LHFPL3: variants seen among roughly 807,000 people sequenced by gnomAD.
LHFPL3 encodes LHFPL tetraspan subfamily member 3.
LHFPL3 carries 5 observed loss-of-function variants against 19.3 expected under a neutral mutation model. The ratio of observed to expected loss-of-function variants is 0.26; its 90% CI spans 0.14 to 0.54. The LOEUF (loss-of-function observed/expected upper bound fraction) is 0.54, where lower values mean the gene tolerates loss of function less well. Ranked by LOEUF, LHFPL3 falls within the 20% of genes least tolerant of loss-of-function variation. The pLI is 0.94. For missense variants in LHFPL3, 249 were observed against 307.4 expected, an observed-to-expected ratio of 0.81 and a Z score of 1.42; for synonymous variants, 133 against 126.2, an observed-to-expected ratio of 1.05 and a Z score of -0.36.
At chr7:104,887,158 A>T (rs1412014747) in intron 2 of LHFPL3, among the ~76,000 whole-genome samples, 1 of 152,250 alleles carries the variant, frequency 6.6e-6, no homozygotes, top group Non-Finnish European at 1.5e-5. Flanking sequence ...CCAGGGGTAC[A>T]TCAGCATTAG....
At chr7:104,467,448 G>T (rs1792813931) in intron 1 of LHFPL3, among the ~76,000 whole-genome samples, 1 of 152,200 alleles carries the variant, frequency 6.6e-6, no homozygotes, top group South Asian at 2.1e-4. Context: ...TTGAGGAAAA[G>T]AGATATGGTT....
intron 1 of LHFPL3, among the ~76,000 whole-genome samples, chr7:104,524,692 T>C (rs1794150669): frequency 6.6e-6 from 1 of 152,318 alleles, no homozygotes; most frequent in South Asian, 2.1e-4. Flanking sequence ...GGAGCACTAA[T>C]TACGATGCTA....
intron 1 of LHFPL3, among the ~76,000 whole-genome samples, chr7:104,675,064 G>A (rs1792565869): frequency 6.6e-6 from 1 of 152,206 alleles, no homozygotes; most frequent in Admixed American, 6.5e-5. Flanking sequence ...AATTCTTAAA[G>A]TAAGTAAATG....
chr7:104,733,472 T>A (rs950212091), intron 1 of LHFPL3, among the ~76,000 whole-genome samples: 2 of 152,226 alleles, frequency 1.3e-5, no homozygotes, highest in Admixed American at 6.5e-5. Flanking sequence ...TTTACCATTA[T>A]GTAATGGCCT....
At chr7:104,343,335 A>T (rs1789994711) in intron 1 of LHFPL3, among the ~76,000 whole-genome samples, 1 of 151,824 alleles carries the variant, frequency 6.6e-6, no homozygotes, top group Admixed American at 6.6e-5. Flanking sequence ...CAACAGAGTG[A>T]AACCCCATCT....
chr7:104,813,590 G>A (rs905151639), intron 2 of LHFPL3, among the ~76,000 whole-genome samples: 3 of 152,168 alleles, frequency 2.0e-5, no homozygotes, highest in African/African-American at 4.8e-5. Flanking sequence ...ATGGAATGGC[G>A]AGAGGTGTGT....
At chr7:104,523,617 T>A (rs1794124139) in intron 1 of LHFPL3, among the ~76,000 whole-genome samples, 1 of 152,174 alleles carries the variant, frequency 6.6e-6, no homozygotes, top group African/African-American at 2.4e-5. Context: ...CTTGAATGTT[T>A]AGTACACATA....
rs1016535202 is a variant in LHFPL3, at chr7:104,551,686, C to T, written c.446-184989C>T. ...TGTTCTCCTGGCCCTTGGCAACAACCACTCAAAAAGATTAGCCTAAATTTG... is the reference window on the plus strand; with the variant it reads ...TGTTCTCCTGGCCCTTGGCAACAACTACTCAAAAAGATTAGCCTAAATTTG... On this transcript the variant is annotated intron_variant, in intron 1 of 2. Coordinates refer to ENST00000424859, the MANE Select transcript of LHFPL3 (RefSeq NM_199000.3). 1.4e-4 allele frequency among the ~76,000 whole-genome samples: 22 copies of T among 152,034 alleles called. 1 individual carries two copies. Among genetic ancestry groups the T allele is most frequent in the Non-Finnish European group, 4.4e-5 (3 of 68,012 alleles).
intron 1 of LHFPL3, among the ~76,000 whole-genome samples, chr7:104,651,111 G>A (rs1052179478): frequency 6.6e-6 from 1 of 152,162 alleles, no homozygotes; most frequent in African/African-American, 2.4e-5. Context: ...AACGAGGGTG[G>A]ATTTGAGCCA....
intron 1 of LHFPL3, among the ~76,000 whole-genome samples, chr7:104,632,848 T>C (rs1791667849): frequency 6.6e-6 from 1 of 152,072 alleles, no homozygotes; most frequent in Non-Finnish European, 1.5e-5. Flanking sequence ...AGAGATGAGG[T>C]TTTGCTATAT....
At chr7:104,496,153 T>C (rs1445003575) in intron 1 of LHFPL3, among the ~76,000 whole-genome samples, 1 of 152,168 alleles carries the variant, frequency 6.6e-6, no homozygotes, top group Non-Finnish European at 1.5e-5. Context: ...CAGTGTGTGA[T>C]GTTCCCCTTC....
At chr7:104,696,157 G>T (rs1464708827) in intron 1 of LHFPL3, among the ~76,000 whole-genome samples, 5 of 152,084 alleles carry the variant, frequency 3.3e-5, no homozygotes, top group Non-Finnish European at 7.4e-5. Flanking sequence ...TCACCATATT[G>T]GCCAGGCTGG....
At chr7:104,614,146 G>A (rs955943008) in intron 1 of LHFPL3, among the ~76,000 whole-genome samples, 1 of 152,168 alleles carries the variant, frequency 6.6e-6, no homozygotes, top group Non-Finnish European at 1.5e-5. Flanking sequence ...AGGGAGGTTA[G>A]GATCTTATAA....
At chr7:104,356,521 C>A (rs957374220) in intron 1 of LHFPL3, among the ~76,000 whole-genome samples, 3 of 152,080 alleles carry the variant, frequency 2.0e-5, no homozygotes, top group African/African-American at 7.2e-5. Context: ...AGTATTTTTC[C>A]TTTACCTTTA....
intron 1 of LHFPL3, among the ~76,000 whole-genome samples, chr7:104,656,504 C>T (rs1792123360): frequency 6.6e-6 from 1 of 152,206 alleles, no homozygotes; most frequent in Non-Finnish European, 1.5e-5. Context: ...GCCAGCTGAT[C>T]AGATCTCCCA....
intron 2 of LHFPL3, among the ~76,000 whole-genome samples, chr7:104,896,408 G>A (rs1792361924): frequency 6.6e-6 from 1 of 152,222 alleles, no homozygotes; most frequent in African/African-American, 2.4e-5. Flanking sequence ...ACTTGGATGG[G>A]TGAAGTGGCC....
At chr7:104,358,049 G>A (rs912851090) in intron 1 of LHFPL3, among the ~76,000 whole-genome samples, 1 of 152,160 alleles carries the variant, frequency 6.6e-6, no homozygotes, top group Non-Finnish European at 1.5e-5. Flanking sequence ...AGCAATGGCG[G>A]AAGGGAATCC....
chr7:104,615,234 A>T (rs926194272), intron 1 of LHFPL3, among the ~76,000 whole-genome samples: 16 of 152,222 alleles, frequency 1.1e-4, no homozygotes, highest in African/African-American at 3.6e-4. Context: ...TACAAAGATG[A>T]TTTAGAGAAA....
At chr7:104,838,654 C>T (rs544036090) in intron 2 of LHFPL3, among the ~76,000 whole-genome samples, 25 of 152,328 alleles carry the variant, frequency 1.6e-4, no homozygotes, top group Middle Eastern at 3.4e-3. Flanking sequence ...CACCGTCTTG[C>T]AAAACAGTGA....
Sources: gnomAD v4.1 joint callset for allele counts (sites outside exome capture counted in the v4.1 genomes callset) on GRCh38, gnomAD v4.1.1 for gene constraint, MANE v1.5 for transcripts, NCBI Gene and HGNC (gene_info 2026-07-23, HGNC 2026-07-21) for gene names.